ST8SIA1: variants seen among roughly 807,000 people sequenced by gnomAD.
ST8SIA1 encodes ST8 alpha-N-acetyl-neuraminide alpha-2,8-sialyltransferase 1.
ST8SIA1 carries 16 observed loss-of-function variants against 35.9 expected under a neutral mutation model. That is an observed-to-expected ratio of 0.45 (90% CI 0.30 to 0.68). The LOEUF (loss-of-function observed/expected upper bound fraction) is 0.68, where lower values mean the gene tolerates loss of function less well. ST8SIA1 is among the 30% of genes least tolerant of loss of function. The probability of loss-of-function intolerance (pLI) is 0.09; values close to 1 mark genes in which losing one functional copy is unlikely to be tolerated. For missense variants in ST8SIA1, 383 were observed against 453.6 expected, an observed-to-expected ratio of 0.84 and a Z score of 1.41; for synonymous variants, 170 against 169.6, an observed-to-expected ratio of 1.00 and a Z score of -0.02.
At chr12:22,249,385 A>T (rs1469044605) in intron 3 of ST8SIA1, among the ~76,000 whole-genome samples, 1 of 151,200 alleles carries the variant, frequency 6.6e-6, no homozygotes, top group Non-Finnish European at 1.5e-5. Context: ...CACCCGGCTA[A>T]TTTTTTTTGT....
In ST8SIA1 at chr12:22,195,230, G is replaced by GAAAAAAA. The variant is rs1591820409; in HGVS notation, c.*6321_*6322insTTTTTTT. On this transcript the variant is annotated 3_prime_UTR_variant, in exon 5 of 5. Transcript: ENST00000396037. The stretch of plus-strand genomic sequence containing the variant: ...AAAAAAAAGAAAGAAAGAAAGAAAG[G>GAAAAAAA]AAAAAGAAAACGGGAGTGTTGTTTC... 7.4e-6 allele frequency: 1 copy of GAAAAAAA among 135,472 alleles called. No individual in the cohort carries two copies. The highest frequency in any genetic ancestry group is 1.6e-5 in the Non-Finnish European group (1 of 62,004). The allele number at this position is 135,472 out of a possible 1,614,324, so 8.4% of individuals were successfully genotyped here. A position where few individuals can be genotyped will look rare whatever the true frequency, so the allele number is the denominator to read the frequency against.
intron 4 of ST8SIA1, among the ~76,000 whole-genome samples, chr12:22,208,366 A>G (rs2120626789): frequency 6.6e-6 from 1 of 152,240 alleles, no homozygotes; most frequent in Admixed American, 6.5e-5. Context: ...AATCAACTGA[A>G]AAAAATATTT....
intron 1 of ST8SIA1, among the ~76,000 whole-genome samples, chr12:22,320,957 G>GAAAGAAAGAGAAAGAA (rs1458108019): frequency 9.6e-5 from 8 of 83,282 alleles, no homozygotes; most frequent in Admixed American, 2.3e-4. Context: ...AAGAAAGAAA[G>GAAAGAAAGAGAAAGAA]AGAAAGAAAG....
At chr12:22,313,658 T>C (rs1348059273) in intron 1 of ST8SIA1, among the ~76,000 whole-genome samples, 1 of 152,204 alleles carries the variant, frequency 6.6e-6, no homozygotes, top group Non-Finnish European at 1.5e-5. Context: ...TGCACTCATA[T>C]TGATGAATTT....
intron 4 of ST8SIA1, among the ~76,000 whole-genome samples, chr12:22,208,246 C>T (rs1405289661): frequency 1.3e-5 from 2 of 151,064 alleles, no homozygotes; most frequent in Non-Finnish European, 3.0e-5. Flanking sequence ...CATAAAAATA[C>T]ACACACACTG....
At chr12:22,248,864 C>A (rs1865633990) in intron 4 of ST8SIA1, 142 bp downstream of exon 4, 3 of 585,644 alleles carry the variant, frequency 5.1e-6, no homozygotes, top group Admixed American at 6.4e-5. Context: ...TCTTTATTTA[C>A]AATTCCCTTC....
Position 22,197,314 on chromosome 12 carries a change from T to TA in ST8SIA1, c.*4237dup, listed in dbSNP as rs1388965874. 24 of 152,190 alleles carry TA rather than the reference T, an allele frequency of 1.6e-4. No individual in the cohort carries two copies. Among genetic ancestry groups the TA allele is most frequent in the African/African-American group, 5.3e-4 (22 of 41,454 alleles). The allele number at this position is 152,190 out of a possible 1,614,324, so 9.4% of individuals were successfully genotyped here. A position where few individuals can be genotyped will look rare whatever the true frequency, so the allele number is the denominator to read the frequency against. ...TTTGATCTTTGGAATTCTACAAACA[T>TA]AGAGAATATATTACCTGGTGCTGGT... On this transcript the variant is annotated 3_prime_UTR_variant, in exon 5 of 5. Transcript: ENST00000396037.
intron 1 of ST8SIA1, among the ~76,000 whole-genome samples, chr12:22,329,107 T>A (rs1866723218): frequency 6.6e-6 from 1 of 151,902 alleles, no homozygotes; most frequent in African/African-American, 2.4e-5. Context: ...TAGCAAAGAA[T>A]AAAAAGAAAA....
In ST8SIA1 at chr12:22,239,199, T is replaced by A. The variant is rs112106035; in HGVS notation, c.584+9807A>T. Among the ~76,000 whole-genome samples the A allele has an allele frequency of 3.3e-3, 497 of 152,336 alleles. 2 individuals carry two copies. Among genetic ancestry groups the A allele is most frequent in the African/African-American group, 0.011 (450 of 41,588 alleles). ...AATTGTCTGTTTGCATTTTTAAAAA[T>A]TTTAATTGATCTGCTTGATACTTTG... On this transcript the variant is annotated intron_variant, in intron 4 of 4. Transcript: ENST00000396037.
chr12:22,302,213 A>G (rs1398256691), intron 1 of ST8SIA1, among the ~76,000 whole-genome samples: 1 of 148,736 alleles, frequency 6.7e-6, no homozygotes, highest in African/African-American at 2.6e-5. Flanking sequence ...GTATCCAAAA[A>G]TGATGTTTTC....
At chr12:22,287,043 GAAAAC>G (rs1866108867) in intron 2 of ST8SIA1, 101 bp downstream of exon 2, 2 of 1,079,444 alleles carry the variant, frequency 1.9e-6, no homozygotes, top group Non-Finnish European at 2.6e-6. Flanking sequence ...AGAGAAGAAA[GAAAAC>G]AAAAAGTCAA....
chr12:22,322,391 T>G (rs1001446346), intron 1 of ST8SIA1, among the ~76,000 whole-genome samples: 1 of 152,198 alleles, frequency 6.6e-6, no homozygotes, highest in Admixed American at 6.5e-5. Context: ...GAATATATAT[T>G]TGTTGAATAA....
At chr12:22,249,827 C>T (rs1400530112) in intron 3 of ST8SIA1, among the ~76,000 whole-genome samples, 1 of 152,180 alleles carries the variant, frequency 6.6e-6, no homozygotes, top group Non-Finnish European at 1.5e-5. Context: ...TACCTCTGCA[C>T]ACCCATAAAT....
intron 4 of ST8SIA1, chr12:22,223,597 A>C (rs1305796295): frequency 2.8e-6 from 3 of 1,068,126 alleles, no homozygotes; most frequent in East Asian, 2.1e-4. Flanking sequence ...TTCAAGCAGC[A>C]TGAGTCTGGA....
intron 1 of ST8SIA1, among the ~76,000 whole-genome samples, chr12:22,307,488 G>A (rs1565592346): frequency 6.6e-6 from 1 of 152,114 alleles, no homozygotes; most frequent in Non-Finnish European, 1.5e-5. Context: ...GTGCCTCTCT[G>A]TTTCATCTCC....
intron 4 of ST8SIA1, among the ~76,000 whole-genome samples, chr12:22,218,599 C>T (rs1256110743): frequency 2.2e-5 from 1 of 45,200 alleles, no homozygotes; most frequent in Non-Finnish European, 5.2e-5. Context: ...GTCTGGGTGA[C>T]AAAGCGAGAC....
intron 3 of ST8SIA1, among the ~76,000 whole-genome samples, chr12:22,251,180 T>A (rs1865664388): frequency 6.6e-6 from 1 of 152,226 alleles, no homozygotes; most frequent in African/African-American, 2.4e-5. Context: ...TAATTGCCCT[T>A]GGAAGCAGGT....
At position 22,328,665 on chromosome 12, in the gene ST8SIA1, G is replaced by A. The variant is rs192350894; in HGVS notation, c.236+5332C>T. On this transcript the variant is annotated intron_variant, in intron 1 of 4. Transcript: ENST00000396037. The stretch of plus-strand genomic sequence containing the variant: ...AAAGGATTACAATCATACATGCATG[G>A]TATAAAGAAAACAGAGAGGAGGAGT... 3.5e-4 allele frequency among the ~76,000 whole-genome samples: 53 copies of A among 152,284 alleles called. No homozygotes were observed. In the East Asian group the frequency reaches 4.2e-3, roughly 12 times the overall value.
intron 2 of ST8SIA1, among the ~76,000 whole-genome samples, chr12:22,256,284 G>T (rs1294228402): frequency 6.6e-6 from 1 of 152,178 alleles, no homozygotes. Flanking sequence ...GGACTGTAAA[G>T]AAAATGTTCA....
Sources: allele counts gnomAD v4.1 joint callset (sites outside exome capture counted in the v4.1 genomes callset), GRCh38; gene constraint gnomAD v4.1.1; transcripts MANE v1.5; gene names NCBI Gene and HGNC (gene_info 2026-07-23, HGNC 2026-07-21).